The following SGCG variants were observed in gnomAD, a reference collection of about 807,000 sequenced individuals.
The protein encoded by SGCG is gamma-sarcoglycan.
In SGCG, 26 loss-of-function variants were observed where a neutral mutation model predicts 29.3. That is an observed-to-expected ratio of 0.89 (90% CI 0.65 to 1.23). The LOEUF (loss-of-function observed/expected upper bound fraction) is 1.23, where lower values mean the gene tolerates loss of function less well. Among genes scored for constraint, SGCG ranks in the 50% most tolerant of loss-of-function variants. SGCG has a pLI of 0.00. For missense variants in SGCG, 353 were observed against 356.0 expected (o/e 0.99, Z 0.07); for synonymous variants, 145 against 129.7 (o/e 1.12, Z -0.80).
intron 7 of SGCG, among the ~76,000 whole-genome samples, chr13:23,322,819 A>G (rs1360983352): frequency 7.5e-6 from 1 of 132,670 alleles, no homozygotes; most frequent in African/African-American, 2.8e-5. Context: ...TGCCGCGGGC[A>G]GAGGATTCAC....
chr13:23,203,079 T>A (rs1877828526), intron 1 of SGCG, among the ~76,000 whole-genome samples: 1 of 152,048 alleles, frequency 6.6e-6, no homozygotes, highest in African/African-American at 2.4e-5. Flanking sequence ...CCTGCCTCAG[T>A]CTCCTGAATA....
At chr13:23,276,528 G>A (rs944143883) in intron 4 of SGCG, among the ~76,000 whole-genome samples, 12 of 140,788 alleles carry the variant, frequency 8.5e-5, no homozygotes, top group African/African-American at 2.6e-4. Flanking sequence ...CACCTCCCGG[G>A]TTCAAGCAAT....
chr13:23,174,315 A>G, the SGCG span, among the ~76,000 whole-genome samples: 1 of 152,188 alleles, frequency 6.6e-6, no homozygotes, highest in African/African-American at 2.4e-5. Flanking sequence ...ATTGTGTACA[A>G]TGGTCATGAT....
intron 1 of SGCG, among the ~76,000 whole-genome samples, chr13:23,198,936 G>A (rs1049801010): frequency 3.3e-5 from 5 of 150,560 alleles, no homozygotes; most frequent in East Asian, 2.0e-4. Flanking sequence ...GTGAAACCCC[G>A]TCTCTACTAA....
chr13:23,205,901 A>T (rs1177343232), intron 2 of SGCG, among the ~76,000 whole-genome samples: 2 of 152,242 alleles, frequency 1.3e-5, no homozygotes, highest in Admixed American at 1.3e-4. Flanking sequence ...TTATGGAATC[A>T]AAAGGCAAGA....
At chr13:23,246,629 A>AAG (rs1177414401) in intron 3 of SGCG, 1 of 214,776 alleles carries the variant, frequency 4.7e-6, no homozygotes, top group African/African-American at 2.3e-5. Flanking sequence ...TCAAGAAAGA[A>AAG]GTATTTTAAA....
intron 2 of SGCG, among the ~76,000 whole-genome samples, chr13:23,228,586 T>C (rs1878989853): frequency 1.3e-5 from 2 of 152,088 alleles, no homozygotes; most frequent in South Asian, 4.1e-4. Context: ...GTTTTTTGTT[T>C]GCTTGTTTGT....
intron 4 of SGCG, 132 bp downstream of exon 4, chr13:23,250,849 T>C (rs1437728027): frequency 1.4e-6 from 1 of 719,678 alleles, no homozygotes; most frequent in Non-Finnish European, 2.5e-6. Context: ...AATATCATGC[T>C]GTGTTGACCA....
At chr13:23,182,285 T>C (rs1271094806) in intron 1 of SGCG, among the ~76,000 whole-genome samples, 4 of 152,132 alleles carry the variant, frequency 2.6e-5, no homozygotes, top group African/African-American at 9.7e-5. Context: ...GGCCTGAGGA[T>C]CTCCCTCCAC....
the SGCG span, among the ~76,000 whole-genome samples, chr13:23,163,658 T>C: frequency 6.6e-6 from 1 of 152,196 alleles, no homozygotes; most frequent in African/African-American, 2.4e-5. Context: ...ATGAATCAGA[T>C]ATCAATTTGT....
At chr13:23,320,896 A>G (rs1883011906) in intron 7 of SGCG, 136 bp downstream of exon 7, 1 of 922,086 alleles carries the variant, frequency 1.1e-6, no homozygotes, top group African/African-American at 1.6e-5. Flanking sequence ...TAGCAAATGT[A>G]CAAGGAAAGC....
chr13:23,194,201 A>G (rs1877394302), intron 1 of SGCG, among the ~76,000 whole-genome samples: 1 of 152,176 alleles, frequency 6.6e-6, no homozygotes, highest in South Asian at 2.1e-4. Context: ...GTTCTTTAGA[A>G]GGACCTGTTT....
intron 4 of SGCG, among the ~76,000 whole-genome samples, chr13:23,259,307 T>C (rs973482380): frequency 1.3e-5 from 2 of 152,248 alleles, no homozygotes; most frequent in African/African-American, 4.8e-5. Context: ...CCATTTCTTC[T>C]AGATTTTCTG....
chr13:23,293,414 T>C (rs1881790334), intron 5 of SGCG, among the ~76,000 whole-genome samples: 1 of 152,216 alleles, frequency 6.6e-6, no homozygotes, highest in Non-Finnish European at 1.5e-5. Flanking sequence ...GATAAGGGCT[T>C]TTTTCCAGCG....
the SGCG span, among the ~76,000 whole-genome samples, chr13:23,163,612 G>C: frequency 9.9e-5 from 15 of 152,154 alleles, no homozygotes; most frequent in African/African-American, 3.4e-4. Flanking sequence ...AGCTACATCA[G>C]TAATTAAATA....
chr13:23,241,017 C>T lies in SGCG; in HGVS notation c.297+6305C>T, dbSNP rs190790346. ...ACAAAAAATTAACCGGGCGTGGTGG[C>T]GGGTGCCTGTAGTCCCAGCTACTTG... On this transcript the variant is annotated intron_variant, in intron 3 of 7. Coordinates refer to ENST00000218867, the MANE Select transcript of SGCG (RefSeq NM_000231.3). Among the ~76,000 whole-genome samples, 457 of 151,662 alleles carry T rather than the reference C, an allele frequency of 3.0e-3. 3 individuals are homozygous for T. The highest frequency in any genetic ancestry group is 0.014 in the Middle Eastern group (4 of 292).
chr13:23,311,774 A>G (rs4770429), intron 6 of SGCG, among the ~76,000 whole-genome samples: 13,681 of 152,274 alleles, frequency 0.09, 818 homozygotes, highest in South Asian at 0.15. Flanking sequence ...ACATATTTTC[A>G]GTTATCTTTC....
At chr13:23,250,816 A>C in intron 4 of SGCG, 99 bp downstream of exon 4, 1 of 770,456 alleles carries the variant, frequency 1.3e-6, no homozygotes, top group Non-Finnish European at 2.3e-6. Context: ...AAAGCTACTT[A>C]TGAACAAAAT....
At chr13:23,285,920 CACCCT>C (rs1881480630) in intron 5 of SGCG, among the ~76,000 whole-genome samples, 1 of 152,186 alleles carries the variant, frequency 6.6e-6, no homozygotes, top group Admixed American at 6.5e-5. Context: ...TGCTTTGGCT[CACCCT>C]CCGTGGGCTG....
Sources: allele counts gnomAD v4.1 joint callset (sites outside exome capture counted in the v4.1 genomes callset), GRCh38; gene constraint gnomAD v4.1.1; transcripts MANE v1.5; gene names NCBI Gene and HGNC (gene_info 2026-07-23, HGNC 2026-07-21).